Variants in ASZ1 observed in about 807,000 individuals in gnomAD.
The protein encoded by ASZ1 is ankyrin repeat, SAM and basic leucine zipper domain containing 1, also known as ankyrin repeat, SAM and basic leucine zipper domain-containing protein 1.
ASZ1 carries 67 observed loss-of-function variants against 61.8 expected under a neutral mutation model. The observed-to-expected ratio is 1.08, with a 90% CI of 0.89 to 1.33. The LOEUF (loss-of-function observed/expected upper bound fraction) is 1.33. Ranked by LOEUF, ASZ1 falls within the 40% of genes most tolerant of loss-of-function variation. The pLI, the probability that ASZ1 is intolerant of heterozygous loss-of-function variation, is 0.00. For synonymous variants in ASZ1, 193 were observed against 192.7 expected (o/e 1.00, Z -0.01); for missense variants, 577 against 554.5 (o/e 1.04, Z -0.41).
intron 2 of ASZ1, among the ~76,000 whole-genome samples, chr7:117,425,606 A>C (rs1471366026): frequency 6.6e-6 from 1 of 151,006 alleles, no homozygotes. Context: ...TTACATTTCT[A>C]TGTGAAGGTA....
chr7:117,399,418 C>T (rs1796636250), intron 4 of ASZ1, among the ~76,000 whole-genome samples: 1 of 152,206 alleles, frequency 6.6e-6, no homozygotes, highest in Non-Finnish European at 1.5e-5. Context: ...TCTAATCTTC[C>T]TATATTGTAA....
chr7:117,378,674 T>G (rs907779541), intron 10 of ASZ1, among the ~76,000 whole-genome samples: 7 of 152,052 alleles, frequency 4.6e-5, no homozygotes, highest in Non-Finnish European at 7.4e-5. Context: ...TTGTCCTCTT[T>G]GGCATTTATC....
chr7:117,425,868 T>C (rs992231424), intron 2 of ASZ1, among the ~76,000 whole-genome samples: 4 of 151,986 alleles, frequency 2.6e-5, no homozygotes, highest in Admixed American at 6.5e-5. Context: ...CCGGTGCTTT[T>C]AGTCCCGGCT....
At chr7:117,398,483 G>A (rs187777952) in intron 4 of ASZ1, among the ~76,000 whole-genome samples, 11 of 152,264 alleles carry the variant, frequency 7.2e-5, no homozygotes, top group Admixed American at 7.2e-4. Flanking sequence ...TCCATACAGT[G>A]GAATATTGTA....
In ASZ1 at chr7:117,382,089, G is replaced by A. The variant is rs757479192; in HGVS notation, c.868C>T (p.His290Tyr). The stretch of plus-strand genomic sequence containing the variant: ...CTTACCTTTAGTAAATCTGTCATAT[G>A]TTCAAGTCCAAGACCATGTAAAAAT... ...EVFLHGLGLE[H>Y]MTDLLKERDI... Residue 290 changes from histidine to tyrosine, a missense_variant, in exon 8 of 13, where the codon CAT becomes TAT. Transcript: ENST00000284629. 3 of 1,592,382 alleles carry A rather than the reference G, an allele frequency of 1.9e-6. No individual in the cohort carries two copies. In the East Asian group the frequency reaches 6.7e-5, roughly 36 times the overall value.
intron 4 of ASZ1, among the ~76,000 whole-genome samples, chr7:117,406,099 T>G (rs1013324139): frequency 6.6e-6 from 1 of 152,178 alleles, no homozygotes; most frequent in Non-Finnish European, 1.5e-5. Context: ...AGAGTATGCT[T>G]GAGTTAATGC....
chr7:117,368,303 T>C (rs935372758), intron 11 of ASZ1: 7 of 1,006,918 alleles, frequency 7.0e-6, no homozygotes, highest in Middle Eastern at 4.7e-4. Flanking sequence ...CTGTTTTATT[T>C]CCATTTTCAC....
At chr7:117,370,252 A>G (rs949823314) in intron 10 of ASZ1, among the ~76,000 whole-genome samples, 1 of 152,206 alleles carries the variant, frequency 6.6e-6, no homozygotes, top group Non-Finnish European at 1.5e-5. Flanking sequence ...ACACAGTAGT[A>G]TTAGAGATGT....
At chr7:117,408,579 C>CT (rs1312256384) in intron 4 of ASZ1, among the ~76,000 whole-genome samples, 2 of 152,036 alleles carry the variant, frequency 1.3e-5, no homozygotes, top group Non-Finnish European at 1.5e-5. Context: ...GAATATGTTC[C>CT]TTCACCATAG....
intron 6 of ASZ1, among the ~76,000 whole-genome samples, chr7:117,383,722 G>T (rs886909800): frequency 6.6e-6 from 1 of 151,946 alleles, no homozygotes; most frequent in Non-Finnish European, 1.5e-5. Context: ...AATGATTTAT[G>T]ACTCAAAATA....
Position 117,382,924 on chromosome 7 carries a change from C to T in ASZ1, c.812+62G>A, listed in dbSNP as rs1292022666. On this transcript the variant is annotated intron_variant, in intron 7 of 12. Coordinates refer to ENST00000284629, the MANE Select transcript of ASZ1 (RefSeq NM_130768.3). The stretch of plus-strand genomic sequence containing the variant: ...TTTAAATAAGTCACCACATTTACTA[C>T]AATAAAATATACACAAATTTTACTT... The T allele has an allele frequency of 2.1e-6, 3 of 1,406,738 alleles. No homozygotes were observed. In the African/African-American group the frequency reaches 4.5e-5, roughly 21 times the overall value. The allele number at this position is 1,406,738 out of a possible 1,614,324, so 87.1% of individuals were successfully genotyped here.
chr7:117,398,294 A>G (rs548485905), intron 4 of ASZ1, among the ~76,000 whole-genome samples: 3 of 152,248 alleles, frequency 2.0e-5, no homozygotes, highest in East Asian at 3.9e-4. Context: ...TTCCCATAAC[A>G]CTATCACAAT....
chr7:117,418,006 A>G (rs1797027886), intron 4 of ASZ1, among the ~76,000 whole-genome samples: 1 of 152,204 alleles, frequency 6.6e-6, no homozygotes, highest in South Asian at 2.1e-4. Context: ...TTTTCCCAAT[A>G]CATCTTATGT....
chr7:117,398,103 A>G lies in ASZ1; in HGVS notation c.441-12294T>C, dbSNP rs552104954. 1.7e-4 allele frequency among the ~76,000 whole-genome samples: 26 copies of G among 152,340 alleles called. No individual in the cohort carries two copies. In the East Asian group the frequency reaches 4.2e-3, roughly 25 times the overall value. The stretch of plus-strand genomic sequence containing the variant: ...TGGTTGGTCTTCATGTCATATTTTT[A>G]TATACAGTTCAGTATTATCTGATCT... On this transcript the variant is annotated intron_variant, in intron 4 of 12. Transcript: ENST00000284629.
chr7:117,426,849 C>T lies in ASZ1; in HGVS notation c.192G>A (p.Glu64=), dbSNP rs200512626. Residue 64 remains glutamate, a synonymous_variant, in exon 2 of 13, where the codon GAG becomes GAA. Coordinates refer to ENST00000284629, the MANE Select transcript of ASZ1 (RefSeq NM_130768.3). ...MTIGDVSLVQ[E]LLDSGISVDS... ...CTTATCTCTCACCAGAATCTAGGAG[C>T]TCCTGGACCAATGAAACATCTCCGA... 16 of 1,609,156 alleles carry T rather than the reference C, an allele frequency of 9.9e-6. No individual in the cohort carries two copies. In the East Asian group the frequency reaches 3.3e-4, roughly 34 times the overall value.
At chr7:117,421,787 T>C (rs150779252) in intron 3 of ASZ1, among the ~76,000 whole-genome samples, 1 of 152,304 alleles carries the variant, frequency 6.6e-6, no homozygotes, top group African/African-American at 2.4e-5. Context: ...TATACTCTTG[T>C]TCTTCTTACA....
At chr7:117,371,375 T>C (rs984544599) in intron 10 of ASZ1, among the ~76,000 whole-genome samples, 1 of 152,152 alleles carries the variant, frequency 6.6e-6, no homozygotes, top group South Asian at 2.1e-4. Context: ...AACAGTTTTA[T>C]AAAATATAAA....
chr7:117,406,865 G>C (rs993165214), intron 4 of ASZ1, among the ~76,000 whole-genome samples: 2 of 152,052 alleles, frequency 1.3e-5, no homozygotes, highest in African/African-American at 4.8e-5. Context: ...GCATTGTCCA[G>C]GAATTGTTAA....
chr7:117,385,621 T>A (rs888647019), intron 5 of ASZ1, 77 bp downstream of exon 5: 2 of 1,197,738 alleles, frequency 1.7e-6, no homozygotes, highest in Middle Eastern at 2.0e-4. Context: ...TTGTAATTAT[T>A]ACTTCTTAAA....
Sources: gnomAD v4.1 joint callset for allele counts (sites outside exome capture counted in the v4.1 genomes callset) on GRCh38, gnomAD v4.1.1 for gene constraint, MANE v1.5 for transcripts, NCBI Gene and HGNC (gene_info 2026-07-23, HGNC 2026-07-21) for gene names.